Variants in AMDHD2 observed in about 807,000 individuals in gnomAD.
AMDHD2 encodes the protein amidohydrolase domain containing 2.
A neutral mutation model predicts 41.8 loss-of-function variants in AMDHD2; 24 were observed. That is an observed-to-expected ratio of 0.57 (90% CI 0.42 to 0.81). The LOEUF (loss-of-function observed/expected upper bound fraction) is 0.81, where lower values mean the gene tolerates loss of function less well. Among genes scored for constraint, AMDHD2 ranks in the 30% least tolerant of loss-of-function variants. The pLI, the probability that AMDHD2 is intolerant of heterozygous loss-of-function variation, is 0.00. For synonymous variants in AMDHD2, 332 were observed against 255.5 expected, an observed-to-expected ratio of 1.30 and a Z score of -2.85; for missense variants, 540 against 588.5, an observed-to-expected ratio of 0.92 and a Z score of 0.85.
rs13331643 is a variant in AMDHD2 at position 2,530,911 on chromosome 16, T to C, written c.*1348T>C. The C allele has an allele frequency of 0.013, 20,303 of 1,613,322 alleles. 2,026 individuals carry two copies. In the African/African-American group the frequency reaches 0.23, roughly 18 times the overall value. Reference sequence around the variant, plus strand: ...TCTGCCTTGACGGCCGCGCACCCCTTAGGAAGTGGCTGTCCAGCGCCTGCC... The same window carrying C: ...TCTGCCTTGACGGCCGCGCACCCCTCAGGAAGTGGCTGTCCAGCGCCTGCC... On this transcript the variant is annotated 3_prime_UTR_variant, in exon 11 of 11. Transcript: ENST00000293971.
Position 2,529,829 on chromosome 16 carries a change from G to A in AMDHD2, c.*266G>A. The A allele has an allele frequency of 7.0e-7, 1 of 1,418,650 alleles. No individual in the cohort carries two copies. The highest frequency in any genetic ancestry group is 9.2e-7 in the Non-Finnish European group (1 of 1,087,310). The allele number at this position is 1,418,650 out of a possible 1,614,324, so 87.9% of individuals were successfully genotyped here. ...TCACGGCCTGGGGTGGGATGGCTGG[G>A]CTGTAGTTTAGCCTGGGCCTTGGGC... On this transcript the variant is annotated 3_prime_UTR_variant, in exon 11 of 11. Transcript: ENST00000293971.
At chr16:2,522,583 A>G (rs1462945308) in intron 3 of AMDHD2, among the ~76,000 whole-genome samples, 1 of 152,018 alleles carries the variant, frequency 6.6e-6, no homozygotes, top group Non-Finnish European at 1.5e-5. Flanking sequence ...AGGCTGAGGC[A>G]GGAGAACCGC....
Position 2,520,851 on chromosome 16 carries a change from C to A in AMDHD2, c.166C>A (p.Arg56=). ...GGAGCGGCGCGTGGCCGACGAGCGG[C>A]GGGACTGCGGGGGCCGCATCTTGGC... The part of the protein sequence containing the change: ...FEERRVADER[R]DCGGRILAPG... Residue 56 remains arginine (R), a synonymous_variant, in exon 2 of 11, where the codon CGG becomes AGG. Coordinates refer to ENST00000293971, the MANE Select transcript of AMDHD2 (RefSeq NM_001330449.2). The A allele has an allele frequency of 6.2e-7, 1 of 1,610,730 alleles. No homozygotes were observed. Among genetic ancestry groups the A allele is most frequent in the South Asian group, 1.1e-5 (1 of 90,808 alleles).
chr16:2,520,379 T>G lies in AMDHD2; in HGVS notation c.-80T>G, dbSNP rs1290608091. The G allele has an allele frequency of 8.7e-6, 10 of 1,143,218 alleles. No homozygotes were observed. The highest frequency in any genetic ancestry group is 4.4e-5 in the Admixed American group (1 of 22,884). The allele number at this position is 1,143,218 out of a possible 1,614,324, so 70.8% of individuals were successfully genotyped here. A position where few individuals can be genotyped will look rare whatever the true frequency, so the allele number is the denominator to read the frequency against. On this transcript the variant is annotated 5_prime_UTR_variant, in exon 1 of 11. Coordinates refer to ENST00000293971, the MANE Select transcript of AMDHD2 (RefSeq NM_001330449.2). ...AAGGTCACGTGGGCGCGGTCTCAGC[T>G]CTCGGCTGGGGTTCGTCACTGGGCG...
Position 2,520,483 on chromosome 16 carries a change from G to A in AMDHD2, c.25G>A (p.Gly9Arg). Reference sequence around the variant, plus strand: ...GATGCGCGGCGAGCAGGGCGCGGCGGGGGCCCGCGTGCTCCAGTTCACTAA... The same window carrying A: ...GATGCGCGGCGAGCAGGGCGCGGCGAGGGCCCGCGTGCTCCAGTTCACTAA... MRGEQGAA[G>R]ARVLQFTNCR... is the part of the protein sequence containing the mutation. The change falls in exon 1 of 11, where the codon GGG becomes AGG. Residue 9 changes from glycine to arginine, a missense_variant. By Grantham distance (125) the Gly-to-Arg change is moderately radical. Coordinates refer to ENST00000293971, the MANE Select transcript of AMDHD2 (RefSeq NM_001330449.2). 8.1e-7 allele frequency: 1 copy of A among 1,233,896 alleles called. No homozygotes were observed. Among genetic ancestry groups the A allele is most frequent in the Non-Finnish European group, 1.0e-6 (1 of 982,328 alleles). The allele number at this position is 1,233,896 out of a possible 1,614,324, so 76.4% of individuals were successfully genotyped here.
In AMDHD2 at chr16:2,530,432, C is replaced by G; in HGVS notation, c.*869C>G. Reference sequence around the variant, plus strand: ...TGAGGCTCCCTGAACAGCTTCGAGGCGGGTGGGCTTCTGGAGCCCTCTTGG... The same window carrying G: ...TGAGGCTCCCTGAACAGCTTCGAGGGGGGTGGGCTTCTGGAGCCCTCTTGG... On this transcript the variant is annotated 3_prime_UTR_variant, in exon 11 of 11. Coordinates refer to ENST00000293971, the MANE Select transcript of AMDHD2 (RefSeq NM_001330449.2). 6.2e-7 allele frequency: 1 copy of G among 1,614,048 alleles called. No homozygotes were observed. The highest frequency in any genetic ancestry group is 1.1e-5 in the South Asian group (1 of 91,082).
Position 2,530,329 on chromosome 16 carries a change from C to G in AMDHD2, c.*766C>G. 1 of 1,614,156 alleles carries G rather than the reference C, an allele frequency of 6.2e-7. No homozygotes were observed. Among genetic ancestry groups the G allele is most frequent in the South Asian group, 1.1e-5 (1 of 91,080 alleles). On this transcript the variant is annotated 3_prime_UTR_variant, in exon 11 of 11. Coordinates refer to ENST00000293971, the MANE Select transcript of AMDHD2 (RefSeq NM_001330449.2). Reference sequence around the variant, plus strand: ...GTATGGGAGGCACCAGTGTGCCCTGCTCACCCCATTAGTGTCATCCTGCCA... The same window carrying G: ...GTATGGGAGGCACCAGTGTGCCCTGGTCACCCCATTAGTGTCATCCTGCCA...
At position 2,530,509 on chromosome 16, in the gene AMDHD2, C is replaced by A. The variant is rs375161191; in HGVS notation, c.*946C>A. 1.9e-5 allele frequency: 30 copies of A among 1,614,048 alleles called. No homozygotes were observed. Among genetic ancestry groups the A allele is most frequent in the Non-Finnish European group, 2.4e-5 (28 of 1,180,010 alleles). On this transcript the variant is annotated 3_prime_UTR_variant, in exon 11 of 11. Coordinates refer to ENST00000293971, the MANE Select transcript of AMDHD2 (RefSeq NM_001330449.2). ...GACGTCAGGGATTGGTGCAGCCCCA[C>A]GTCAGGGGTGATTGTCTTGACTTTC...
chr16:2,524,509 C>T (rs1355161713), intron 3 of AMDHD2, among the ~76,000 whole-genome samples: 2 of 152,206 alleles, frequency 1.3e-5, no homozygotes, highest in African/African-American at 4.8e-5. Flanking sequence ...TTTTACTGTG[C>T]TCTCTCTATG....
rs377752525 is a variant in AMDHD2, at chr16:2,530,616, G to C, written c.*1053G>C. On this transcript the variant is annotated 3_prime_UTR_variant, in exon 11 of 11. Transcript: ENST00000293971. The stretch of plus-strand genomic sequence containing the variant: ...CCTGGGCACAGGAGGTACGCGCCTG[G>C]CTCTGCCACTGTTCTCTTCCCTCTG... The C allele has an allele frequency of 6.2e-7, 1 of 1,614,050 alleles. No individual in the cohort carries two copies. The highest frequency in any genetic ancestry group is 8.5e-7 in the Non-Finnish European group (1 of 1,180,032).
In AMDHD2 at chr16:2,527,931, C is replaced by A; in HGVS notation, c.574C>A (p.Arg192Ser). The stretch of plus-strand genomic sequence containing the variant: ...CGTGACGCTGGCCCCAGAGTTGGGC[C>A]GTAGCCACGAAGTGATCCGGGCGCT... ...RIVTLAPELGRSHEVIRALTA... is the reference protein window; with the variant it reads ...RIVTLAPELGSSHEVIRALTA... Residue 192 changes from arginine (R) to serine (S), a missense_variant, in exon 5 of 11, where the codon CGT becomes AGT. Transcript: ENST00000293971. The surrounding 1 kb of genome is among the most constrained non-coding windows in gnomAD (Gnocchi z 6.1). 2.5e-6 allele frequency: 4 copies of A among 1,598,590 alleles called. No individual in the cohort carries two copies. The highest frequency in any genetic ancestry group is 1.3e-5 in the African/African-American group (1 of 75,004).
intron 3 of AMDHD2, among the ~76,000 whole-genome samples, chr16:2,522,916 T>A (rs1182253154): frequency 2.7e-5 from 4 of 149,760 alleles, no homozygotes; most frequent in African/African-American, 9.9e-5. Flanking sequence ...CGATCTCGGC[T>A]CACTACAACC....
intron 3 of AMDHD2, among the ~76,000 whole-genome samples, chr16:2,521,433 C>G (rs1002850708): frequency 6.6e-6 from 1 of 152,108 alleles, no homozygotes; most frequent in Admixed American, 6.5e-5. Flanking sequence ...CAGAAACCAT[C>G]CCCTTAACCA....
At chr16:2,528,969 T>C (rs1596999774) in intron 9 of AMDHD2, 25 bp from the exon 10 acceptor site, 1 of 1,557,770 alleles carries the variant, frequency 6.4e-7, no homozygotes. Flanking sequence ...TTGGGGACTG[T>C]CACCTAGCTG....
intron 3 of AMDHD2, among the ~76,000 whole-genome samples, chr16:2,523,001 G>T (rs561639856): frequency 4.0e-5 from 6 of 151,844 alleles, no homozygotes; most frequent in African/African-American, 1.5e-4. Flanking sequence ...CCGCCACCAT[G>T]CCCGGCTAAT....
Position 2,528,557 on chromosome 16 carries a change from C to G in AMDHD2, c.968C>G (p.Ala323Gly). The G allele has an allele frequency of 6.2e-7, 1 of 1,612,598 alleles. No individual in the cohort carries two copies. Among genetic ancestry groups the G allele is most frequent in the Non-Finnish European group, 8.5e-7 (1 of 1,179,930 alleles). Reference sequence around the variant, plus strand: ...GTGGACGGTCTGACGGCCTACGTGGCAGGTGAGCGCCCTGACCCACTGGGT... The same window carrying G: ...GTGGACGGTCTGACGGCCTACGTGGGAGGTGAGCGCCCTGACCCACTGGGT... The part of the protein sequence containing the change: ...VEVDGLTAYV[A>G]GTKTLSGSIA... The change falls in exon 8 of 11, where the codon GCA becomes GGA. Residue 323 changes from alanine (A) to glycine (G), a missense_variant and splice_region_variant. By Grantham distance (60) the Ala-to-Gly change is moderately conservative. Transcript: ENST00000293971.
intron 3 of AMDHD2, among the ~76,000 whole-genome samples, chr16:2,523,049 G>A (rs1172588346): frequency 6.6e-6 from 1 of 151,876 alleles, no homozygotes; most frequent in Non-Finnish European, 1.5e-5. Flanking sequence ...TCACCATACT[G>A]GCCAGGCTGA....
intron 3 of AMDHD2, among the ~76,000 whole-genome samples, chr16:2,526,912 A>G (rs1402677491): frequency 6.6e-6 from 1 of 152,152 alleles, no homozygotes; most frequent in Non-Finnish European, 1.5e-5. Context: ...CCTGGGCGAC[A>G]AGAGGGAAAC....
rs1314232345 is a variant in AMDHD2 at position 2,527,647 on chromosome 16, C to T, written c.415+32C>T. Reference sequence around the variant, plus strand: ...GGCTGACCTCCTCCCCGCCCCCACCCTGGGAGGCTCCTGCGGGACCTGTTG... The same window carrying T: ...GGCTGACCTCCTCCCCGCCCCCACCTTGGGAGGCTCCTGCGGGACCTGTTG... On this transcript the variant is annotated intron_variant, in intron 4 of 10. Transcript: ENST00000293971. This position sits in a 1 kb window ranked among gnomAD's most constrained non-coding sequence, Gnocchi z 6.1. The T allele has an allele frequency of 7.5e-6, 12 of 1,597,894 alleles. No homozygotes were observed. Among genetic ancestry groups the T allele is most frequent in the Non-Finnish European group, 9.4e-6 (11 of 1,173,314 alleles).
Sources: allele counts gnomAD v4.1 joint callset (sites outside exome capture counted in the v4.1 genomes callset), GRCh38; gene constraint gnomAD v4.1.1; non-coding constraint Gnocchi (gnomAD v3.1); transcripts MANE v1.5; gene names NCBI Gene and HGNC (gene_info 2026-07-23, HGNC 2026-07-21).